Variants in KLRG1 observed in about 807,000 individuals in gnomAD.
KLRG1 encodes the protein killer cell lectin like receptor G1, also known as killer cell lectin-like receptor subfamily G member 1.
KLRG1 carries 16 observed loss-of-function variants against 21.8 expected under a neutral mutation model. That is an observed-to-expected ratio of 0.73 (90% CI 0.50 to 1.11). The LOEUF (loss-of-function observed/expected upper bound fraction) is 1.11, where lower values mean the gene tolerates loss of function less well. Among genes scored for constraint, KLRG1 ranks in the 50% most tolerant of loss-of-function variants. The pLI is 0.00. For synonymous variants in KLRG1, 69 were observed against 75.9 expected (o/e 0.91, Z 0.47); for missense variants, 173 against 218.3 (o/e 0.79, Z 1.31).
chr12:9,098,126 T>G, the KLRG1 span, among the ~76,000 whole-genome samples: 1 of 152,186 alleles, frequency 6.6e-6, no homozygotes, highest in African/African-American at 2.4e-5. Context: ...ATATATAATT[T>G]TCGAACGGCT....
chr12:9,035,451 G>A, the KLRG1 span, among the ~76,000 whole-genome samples: 1 of 151,980 alleles, frequency 6.6e-6, no homozygotes, highest in East Asian at 1.9e-4. Flanking sequence ...CTGTCAGGGG[G>A]TAGGGAGCTA....
chr12:9,139,382 G>A, the KLRG1 span, among the ~76,000 whole-genome samples: 1 of 152,190 alleles, frequency 6.6e-6, no homozygotes, highest in Non-Finnish European at 1.5e-5. Context: ...GTGCACATGA[G>A]AAGAGTATGT....
At chr12:8,979,379 C>T (rs1034693328) in intron 1 of KLRG1, among the ~76,000 whole-genome samples, 7 of 152,164 alleles carry the variant, frequency 4.6e-5, no homozygotes, top group Admixed American at 4.6e-4. Context: ...GCTGTTTTCT[C>T]TTTCAGTGCT....
At chr12:9,046,488 G>GA in the KLRG1 span, among the ~76,000 whole-genome samples, 1 of 152,086 alleles carries the variant, frequency 6.6e-6, no homozygotes, top group African/African-American at 2.4e-5. Flanking sequence ...AAGACAAATA[G>GA]AAAATCTAGA....
chr12:9,114,815 A>C, the KLRG1 span, among the ~76,000 whole-genome samples: 1 of 152,182 alleles, frequency 6.6e-6, no homozygotes, highest in Non-Finnish European at 1.5e-5. Flanking sequence ...ATAAATTTAT[A>C]AATATTAAAC....
intron 1 of KLRG1, among the ~76,000 whole-genome samples, chr12:8,978,568 G>A (rs1204703278): frequency 1.3e-4 from 19 of 151,984 alleles, no homozygotes. Flanking sequence ...CTTTCTCTTG[G>A]TCTGTGAGGT....
rs1946996246 is a variant in KLRG1, at chr12:8,992,297, G to A, written c.174G>A (p.Trp58Ter). 2 of 1,611,240 alleles carry A rather than the reference G, an allele frequency of 1.2e-6. No homozygotes were observed. Among genetic ancestry groups the A allele is most frequent in the African/African-American group, 1.3e-5 (1 of 74,794 alleles). ...AVLLSVLLYQWILCQGSNYST... is the reference protein window; with the variant it reads ...AVLLSVLLYQ ...TTCTGAGTGTGCTGCTATACCAGTG[G>A]ATCCTGTGCCAGGGTAAGTGCAAAC... The change falls in exon 2 of 5, where the codon TGG becomes TGA. Residue 58 changes from tryptophan to a stop codon, truncating the protein, a stop_gained. Transcript: ENST00000356986. LOFTEE classifies it high-confidence loss of function.
chr12:9,009,593 A>G lies in KLRG1; in HGVS notation c.*56A>G. The G allele has an allele frequency of 6.3e-7, 1 of 1,592,324 alleles. No homozygotes were observed. Among genetic ancestry groups the G allele is most frequent in the South Asian group, 1.1e-5 (1 of 88,586 alleles). On this transcript the variant is annotated 3_prime_UTR_variant, in exon 5 of 5. Coordinates refer to ENST00000356986, the MANE Select transcript of KLRG1 (RefSeq NM_005810.4). ...CTGTCATGTATCCCTAAAAGGAGGG[A>G]GCTGGCCACTGGCTGTTGGGAAAGC...
At chr12:9,142,997 A>C in the KLRG1 span, among the ~76,000 whole-genome samples, 1 of 152,190 alleles carries the variant, frequency 6.6e-6, no homozygotes, top group Non-Finnish European at 1.5e-5. Flanking sequence ...CTGGGAAAAA[A>C]CCTTTTCCAG....
intron 1 of KLRG1, among the ~76,000 whole-genome samples, chr12:8,954,595 G>T (rs1946258147): frequency 6.6e-6 from 1 of 151,882 alleles, no homozygotes; most frequent in South Asian, 2.1e-4. Flanking sequence ...TTTCACCAAG[G>T]GGTCTTGGTT....
the KLRG1 span, among the ~76,000 whole-genome samples, chr12:9,137,679 A>C: frequency 6.6e-6 from 1 of 151,964 alleles, no homozygotes; most frequent in Non-Finnish European, 1.5e-5. Flanking sequence ...TTTTTATTTA[A>C]TTGTGTCTTA....
the KLRG1 span, chr12:9,153,149 A>G: frequency 6.2e-7 from 1 of 1,614,126 alleles, no homozygotes; most frequent in Non-Finnish European, 8.5e-7. Flanking sequence ...ATCTTTCCCC[A>G]GTTACTGTTA....
the KLRG1 span, among the ~76,000 whole-genome samples, chr12:9,041,884 C>T: frequency 2.0e-5 from 3 of 152,072 alleles, no homozygotes; most frequent in Non-Finnish European, 2.9e-5. Flanking sequence ...GAGTGGTTTG[C>T]GTGCAGCAAT....
At chr12:8,955,062 G>T (rs12423817) in intron 1 of KLRG1, among the ~76,000 whole-genome samples, 55,732 of 151,708 alleles carry the variant, frequency 0.37, 11,341 homozygotes, top group Middle Eastern at 0.47. Context: ...AACTACAGGC[G>T]CCTGCCATCA....
chr12:9,061,531 T>C, the KLRG1 span, among the ~76,000 whole-genome samples: 4 of 152,278 alleles, frequency 2.6e-5, no homozygotes, highest in East Asian at 5.8e-4. Context: ...AAATTATTAA[T>C]GGTCAGTCGT....
chr12:9,144,485 C>T, the KLRG1 span, among the ~76,000 whole-genome samples: 1 of 152,130 alleles, frequency 6.6e-6, no homozygotes, highest in Non-Finnish European at 1.5e-5. Flanking sequence ...AGAGCCTCTA[C>T]CCACAACACC....
the KLRG1 span, chr12:9,068,354 G>T: frequency 2.2e-6 from 2 of 916,352 alleles, no homozygotes; most frequent in Non-Finnish European, 3.3e-6. Flanking sequence ...AGAAACATAA[G>T]CATCATTCAT....
chr12:9,106,834 C>A, the KLRG1 span, among the ~76,000 whole-genome samples: 1 of 151,922 alleles, frequency 6.6e-6, no homozygotes, highest in Non-Finnish European at 1.5e-5. Context: ...AGATATATTG[C>A]GATAGAAATG....
At chr12:9,051,876 T>C in the KLRG1 span, among the ~76,000 whole-genome samples, 22 of 152,242 alleles carry the variant, frequency 1.4e-4, no homozygotes, top group Non-Finnish European at 2.8e-4. Context: ...GATCTTTTCA[T>C]TGCAATTAGA....
Sources: gnomAD v4.1 joint callset for allele counts (sites outside exome capture counted in the v4.1 genomes callset) on GRCh38, gnomAD v4.1.1 for gene constraint, MANE v1.5 for transcripts, NCBI Gene and HGNC (gene_info 2026-07-23, HGNC 2026-07-21) for gene names.